UNKL: variants seen among roughly 807,000 people sequenced by gnomAD.
UNKL encodes the protein putative E3 ubiquitin-protein ligase UNKL.
Under a neutral mutation model 78.0 loss-of-function variants are expected in UNKL, and 60 were observed. The ratio of observed to expected loss-of-function variants is 0.77; its 90% CI spans 0.63 to 0.95. UNKL has a LOEUF of 0.95. Among genes scored for constraint, UNKL ranks in the 40% least tolerant of loss-of-function variants. The pLI is 0.00. For synonymous variants in UNKL, 608 were observed against 474.8 expected (o/e 1.28, Z -3.65); for missense variants, 1,159 against 1,045.7 (o/e 1.11, Z -1.49).
chr16:1,396,183 G>C (rs1328387004), intron 6 of UNKL, among the ~76,000 whole-genome samples: 2 of 145,886 alleles, frequency 1.4e-5, no homozygotes, highest in Non-Finnish European at 1.5e-5. Flanking sequence ...CTCAAGTGAT[G>C]TGCCCACCTC....
chr16:1,369,989 C>T, intron 12 of UNKL, 141 bp downstream of exon 12: 1 of 1,551,038 alleles, frequency 6.4e-7, no homozygotes, highest in Non-Finnish European at 8.7e-7. Flanking sequence ...GTGGGGGAAC[C>T]TGTGAGCAGC....
At chr16:1,413,689 C>T (rs2038150581) in intron 2 of UNKL, among the ~76,000 whole-genome samples, 157 bp downstream of exon 2, 1 of 152,268 alleles carries the variant, frequency 6.6e-6, no homozygotes, top group Non-Finnish European at 1.5e-5. Context: ...GCCGCCCCAG[C>T]ATCCCTGGTC....
At position 1,366,362 on chromosome 16, in the gene UNKL, C is replaced by A. The variant is rs145986028; in HGVS notation, c.2080G>T (p.Ala694Ser). The A allele has an allele frequency of 5.7e-5, 91 of 1,602,608 alleles. No individual in the cohort carries two copies. Among genetic ancestry groups the A allele is most frequent in the Admixed American group, 3.4e-5 (2 of 59,322 alleles). Residue 694 changes from alanine (A) to serine (S), a missense_variant, in exon 15 of 15, where the codon GCC (alanine) becomes TCC (serine). By Grantham distance (99) the Ala-to-Ser change is moderately conservative. Transcript: ENST00000389221. ...GCACCGTGGGCCCGCTCCCGGCAGG[C>A]CACACACTGCTTGGCGCGGAGCTGG... ...IFQLRAKQCVACRERAHGAVL... is the reference protein window; with the variant it reads ...IFQLRAKQCVSCRERAHGAVL...
chr16:1,369,952 G>A (rs1249752720), intron 12 of UNKL, 178 bp downstream of exon 12: 4 of 1,549,522 alleles, frequency 2.6e-6, no homozygotes, highest in Non-Finnish European at 3.5e-6. Context: ...TCCAACCTGG[G>A]CGACAGAGCG....
At chr16:1,406,511 C>T (rs2037771528) in intron 2 of UNKL, among the ~76,000 whole-genome samples, 1 of 152,090 alleles carries the variant, frequency 6.6e-6, no homozygotes, top group South Asian at 2.1e-4. Context: ...CCGCGCCCGG[C>T]CTAATTTTTT....
In UNKL at chr16:1,366,074, G is replaced by C; in HGVS notation, c.*166C>G. The C allele has an allele frequency of 3.9e-6, 3 of 765,430 alleles. No homozygotes were observed. The highest frequency in any genetic ancestry group is 5.7e-6 in the Non-Finnish European group (3 of 522,490). The allele number at this position is 765,430 out of a possible 1,614,324, so 47.4% of individuals were successfully genotyped here. A position where few individuals can be genotyped will look rare whatever the true frequency, so the allele number is the denominator to read the frequency against. ...CAACGTGTGACAGGAAAGGCTGTCA[G>C]GCCAAGCGCAGGCGGGGCTCCCAGC... is the stretch of plus-strand genomic sequence containing the variant. On this transcript the variant is annotated 3_prime_UTR_variant, in exon 15 of 15. Coordinates refer to ENST00000389221, the MANE Select transcript of UNKL (RefSeq NM_001372107.1).
At chr16:1,389,676 G>A (rs2036962685) in intron 9 of UNKL, among the ~76,000 whole-genome samples, 1 of 152,242 alleles carries the variant, frequency 6.6e-6, no homozygotes, top group African/African-American at 2.4e-5. Flanking sequence ...CCCCAGGGAT[G>A]CCCACGCACA....
chr16:1,370,622 C>A (rs920666083), intron 11 of UNKL, among the ~76,000 whole-genome samples: 5 of 152,240 alleles, frequency 3.3e-5, no homozygotes, highest in East Asian at 1.9e-4. Context: ...TAACATGGGC[C>A]CCCCCCAAAG....
chr16:1,410,199 G>C (rs775855315), intron 2 of UNKL, among the ~76,000 whole-genome samples: 1 of 151,948 alleles, frequency 6.6e-6, no homozygotes, highest in East Asian at 1.9e-4. Context: ...CCGGGAGGTC[G>C]AGGCTGCAGT....
At chr16:1,379,661 C>G (rs1441843452) in intron 10 of UNKL, 6 of 984,490 alleles carry the variant, frequency 6.1e-6, no homozygotes, top group Non-Finnish European at 6.0e-6. Flanking sequence ...GCGGCCGCCC[C>G]GCGCCGCCGC....
intron 10 of UNKL, among the ~76,000 whole-genome samples, chr16:1,382,121 C>A (rs2036626596): frequency 6.6e-6 from 1 of 152,212 alleles, no homozygotes; most frequent in African/African-American, 2.4e-5. Context: ...TAGTTTCAAA[C>A]TGAAAACACA....
In UNKL at chr16:1,399,746, G is replaced by C. The variant is rs994821850; in HGVS notation, c.599-237C>G. On this transcript the variant is annotated intron_variant, in intron 4 of 14. Transcript: ENST00000389221. This position sits in a 1 kb window ranked among gnomAD's most constrained non-coding sequence, Gnocchi z 5.8. ...GTTTATGTGAAAATGCCCAGAACTA[G>C]GGAACCCACAGAGACGGAGTGGAGC... Among the ~76,000 whole-genome samples the C allele has an allele frequency of 6.6e-6, 1 of 152,198 alleles. No homozygotes were observed. The highest frequency in any genetic ancestry group is 6.5e-5 in the Admixed American group (1 of 15,268).
At chr16:1,370,737 G>A (rs1444628413) in intron 11 of UNKL, among the ~76,000 whole-genome samples, 1 of 152,208 alleles carries the variant, frequency 6.6e-6, no homozygotes, top group Non-Finnish European at 1.5e-5. Context: ...TTAAAAGAAA[G>A]AAAAGATACA....
chr16:1,377,144 T>C (rs1307743748), intron 10 of UNKL, among the ~76,000 whole-genome samples: 1 of 152,088 alleles, frequency 6.6e-6, no homozygotes, highest in Non-Finnish European at 1.5e-5. Context: ...TGCCTCAGCC[T>C]CCTGAGCAGC....
Position 1,365,428 on chromosome 16 carries a change from G to A in UNKL, c.*812C>T, listed in dbSNP as rs568744100. The A allele has an allele frequency of 1.3e-5, 2 of 152,486 alleles. No individual in the cohort carries two copies. Among genetic ancestry groups the A allele is most frequent in the Admixed American group, 6.5e-5 (1 of 15,312 alleles). The allele number at this position is 152,486 out of a possible 1,614,324, so 9.4% of individuals were successfully genotyped here. ...TGATGCTCCTTCACTTGCTCTCCGAGGCGCAGGCGCACAGAAACAGCGGCC... is the reference window on the plus strand; with the variant it reads ...TGATGCTCCTTCACTTGCTCTCCGAAGCGCAGGCGCACAGAAACAGCGGCC... On this transcript the variant is annotated 3_prime_UTR_variant, in exon 15 of 15. Coordinates refer to ENST00000389221, the MANE Select transcript of UNKL (RefSeq NM_001372107.1).
intron 9 of UNKL, among the ~76,000 whole-genome samples, chr16:1,388,867 A>G (rs951742419): frequency 6.6e-6 from 1 of 151,884 alleles, no homozygotes; most frequent in African/African-American, 2.4e-5. Context: ...TACCACCAGC[A>G]CTGCCTGCCT....
rs563537249 is a variant in UNKL at position 1,387,862 on chromosome 16, G to A, written c.1087-2477C>T. Among the ~76,000 whole-genome samples, 7 of 145,294 alleles carry A rather than the reference G, an allele frequency of 4.8e-5. No individual in the cohort carries two copies. The highest frequency in any genetic ancestry group is 7.0e-3 in the Middle Eastern group (2 of 286). ...TGTGTCCCGGGGTCTGCCCAGGTCC[G>A]TGCTCTGGGGCACGGTCCCTACACA... On this transcript the variant is annotated intron_variant, in intron 9 of 14. Coordinates refer to ENST00000389221, the MANE Select transcript of UNKL (RefSeq NM_001372107.1). The surrounding 1 kb of genome is among the most constrained non-coding windows in gnomAD (Gnocchi z 4.1).
At chr16:1,368,609 A>C (rs1462826375) in intron 12 of UNKL, among the ~76,000 whole-genome samples, 2 of 27,540 alleles carry the variant, frequency 7.3e-5, no homozygotes, top group South Asian at 9.4e-4. Context: ...ACTCCGTCTC[A>C]AAAAAAAAAA....
In UNKL at chr16:1,403,799, C is replaced by A. The variant is rs1019692329; in HGVS notation, c.288-455G>T. On this transcript the variant is annotated intron_variant, in intron 2 of 14. Transcript: ENST00000389221. This position sits in a 1 kb window ranked among gnomAD's most constrained non-coding sequence, Gnocchi z 4.8. ...CCAGCGTCCTGCTGCTTTCAGGGACCCCAGGAGGGAGGTAGGGGAGGGAAC... is the reference window on the plus strand; with the variant it reads ...CCAGCGTCCTGCTGCTTTCAGGGACACCAGGAGGGAGGTAGGGGAGGGAAC... Among the ~76,000 whole-genome samples, 5 of 152,130 alleles carry A rather than the reference C, an allele frequency of 3.3e-5. No homozygotes were observed. The highest frequency in any genetic ancestry group is 1.2e-4 in the African/African-American group (5 of 41,412).
Sources: gnomAD v4.1 joint callset for allele counts (sites outside exome capture counted in the v4.1 genomes callset) on GRCh38, gnomAD v4.1.1 for gene constraint, Gnocchi (gnomAD v3.1) non-coding constraint, MANE v1.5 for transcripts, NCBI Gene and HGNC (gene_info 2026-07-23, HGNC 2026-07-21) for gene names.